The following HTRA3 variants were observed in gnomAD, a reference collection of about 807,000 sequenced individuals.
HTRA3 encodes the protein serine protease HTRA3.
HTRA3 carries 41 observed loss-of-function variants against 43.2 expected under a neutral mutation model. That is an observed-to-expected ratio of 0.95 (90% CI 0.74 to 1.23). The LOEUF is 1.23. Among genes scored for constraint, HTRA3 ranks in the 50% most tolerant of loss-of-function variants. HTRA3 has a pLI of 0.00. For synonymous variants in HTRA3, 295 were observed against 287.9 expected (o/e 1.02, Z -0.25); for missense variants, 628 against 647.1 (o/e 0.97, Z 0.32).
In HTRA3 at chr4:8,291,353, C is replaced by G. The variant is rs1713230790; in HGVS notation, c.709-17C>G. 2 of 1,610,058 alleles carry G rather than the reference C, an allele frequency of 1.2e-6. No individual in the cohort carries two copies. Among genetic ancestry groups the G allele is most frequent in the Non-Finnish European group, 1.7e-6 (2 of 1,177,240 alleles). ...GGCTAAGCCTCCCTCTCTGTGTCTT[C>G]TCCTTCTCTCTCCTAGAAAAAGCTC... On this transcript the variant is annotated splice_polypyrimidine_tract_variant and intron_variant, in intron 3 of 8. Coordinates refer to ENST00000307358, the MANE Select transcript of HTRA3 (RefSeq NM_053044.5).
In HTRA3 at chr4:8,285,767, A is replaced by G. The variant is rs188721955; in HGVS notation, c.486-794A>G. ...AACCCAGGCCAGCTCCACACCGTTC[A>G]CAGAGGGCAGGGCCCAGGCTGGCCT... On this transcript the variant is annotated intron_variant, in intron 2 of 8. Transcript: ENST00000307358. Among the ~76,000 whole-genome samples, 22 of 152,308 alleles carry G rather than the reference A, an allele frequency of 1.4e-4. No homozygotes were observed. In the East Asian group the frequency reaches 3.9e-3, roughly 27 times the overall value.
intron 1 of HTRA3, among the ~76,000 whole-genome samples, chr4:8,275,414 C>T (rs964182351): frequency 6.6e-6 from 1 of 152,136 alleles, no homozygotes; most frequent in East Asian, 1.9e-4. Flanking sequence ...TTGGTGACCC[C>T]AACCACTGCC....
intron 8 of HTRA3, 138 bp downstream of exon 8, chr4:8,304,417 G>T: frequency 1.5e-6 from 1 of 656,750 alleles, no homozygotes; most frequent in Non-Finnish European, 2.7e-6. Context: ...TAGCGTGTCT[G>T]CTAAGCCAGA....
At position 8,306,247 on chromosome 4, in the gene HTRA3, C is replaced by T; in HGVS notation, c.*111C>T. 8.4e-7 allele frequency: 1 copy of T among 1,187,458 alleles called. No individual in the cohort carries two copies. The highest frequency in any genetic ancestry group is 1.6e-5 in the African/African-American group (1 of 64,456). The allele number at this position is 1,187,458 out of a possible 1,614,324, so 73.6% of individuals were successfully genotyped here. ...TCGGTCCTCAGCAGGGCGGCAGCCTCCTCCTGGCTGTCCGGGGCAGAGCGG... is the reference window on the plus strand; with the variant it reads ...TCGGTCCTCAGCAGGGCGGCAGCCTTCTCCTGGCTGTCCGGGGCAGAGCGG... On this transcript the variant is annotated 3_prime_UTR_variant, in exon 9 of 9. Coordinates refer to ENST00000307358, the MANE Select transcript of HTRA3 (RefSeq NM_053044.5). The surrounding 1 kb of genome is among the most constrained non-coding windows in gnomAD (Gnocchi z 8.9).
At chr4:8,300,910 TC>T (rs1218421742) in intron 6 of HTRA3, among the ~76,000 whole-genome samples, 3 of 152,012 alleles carry the variant, frequency 2.0e-5, no homozygotes, top group African/African-American at 7.3e-5. Flanking sequence ...ATTCACACTC[TC>T]AGCTTTATTA....
chr4:8,302,361 C>T (rs911892273), intron 6 of HTRA3, 102 bp from the exon 7 acceptor site: 4 of 1,071,006 alleles, frequency 3.7e-6, no homozygotes, highest in Non-Finnish European at 4.4e-6. Context: ...CCTGCTGCTT[C>T]CTGGTCCTGC....
At position 8,286,867 on chromosome 4, in the gene HTRA3, C is replaced by G; in HGVS notation, c.708+84C>G. On this transcript the variant is annotated intron_variant, in intron 3 of 8. Transcript: ENST00000307358. The surrounding 1 kb of genome is among the most constrained non-coding windows in gnomAD (Gnocchi z 4.9). Reference sequence around the variant, plus strand: ...CCAGACGCCGGAACCCAGAGGCAAGCTAGCCCCACCTTCCATCAGCCAGGG... The same window carrying G: ...CCAGACGCCGGAACCCAGAGGCAAGGTAGCCCCACCTTCCATCAGCCAGGG... 1 of 1,001,338 alleles carries G rather than the reference C, an allele frequency of 1.0e-6. No homozygotes were observed. Among genetic ancestry groups the G allele is most frequent in the Non-Finnish European group, 1.5e-6 (1 of 667,566 alleles). 62.0% of individuals were successfully genotyped at this position (1,001,338 alleles called of 1,614,324 possible).
Position 8,295,892 on chromosome 4 carries a change from G to A in HTRA3, c.1051+1691G>A, listed in dbSNP as rs918911472. The stretch of plus-strand genomic sequence containing the variant: ...TGGGAAGACAATCTGGAGCCAGGCA[G>A]AGCCTGTCTTTCCCAAAGAAGCTGA... On this transcript the variant is annotated intron_variant, in intron 6 of 8. Transcript: ENST00000307358. The surrounding 1 kb of genome is among the most constrained non-coding windows in gnomAD (Gnocchi z 6.9). 8.1e-7 allele frequency: 1 copy of A among 1,234,782 alleles called. No homozygotes were observed. The highest frequency in any genetic ancestry group is 1.0e-6 in the Non-Finnish European group (1 of 988,718). The allele number at this position is 1,234,782 out of a possible 1,614,324, so 76.5% of individuals were successfully genotyped here. A position where few individuals can be genotyped will look rare whatever the true frequency, so the allele number is the denominator to read the frequency against.
chr4:8,302,408 G>A (rs563438898), intron 6 of HTRA3, 55 bp from the exon 7 acceptor site: 4 of 1,530,512 alleles, frequency 2.6e-6, no homozygotes, highest in South Asian at 2.2e-5. Context: ...CCCTGAGGGA[G>A]CGTGGTGGCT....
rs1056559140 is a variant in HTRA3, at chr4:8,286,848, G to A, written c.708+65G>A. On this transcript the variant is annotated intron_variant, in intron 3 of 8. Coordinates refer to ENST00000307358, the MANE Select transcript of HTRA3 (RefSeq NM_053044.5). The surrounding 1 kb of genome is among the most constrained non-coding windows in gnomAD (Gnocchi z 4.9). ...TGGGCATGGTGGCCTCTTCCCAGAC[G>A]CCGGAACCCAGAGGCAAGCTAGCCC... The A allele has an allele frequency of 3.1e-6, 4 of 1,297,260 alleles. No homozygotes were observed. Among genetic ancestry groups the A allele is most frequent in the South Asian group, 1.3e-5 (1 of 74,754 alleles). The allele number at this position is 1,297,260 out of a possible 1,614,324, so 80.4% of individuals were successfully genotyped here. A position where few individuals can be genotyped will look rare whatever the true frequency, so the allele number is the denominator to read the frequency against.
At chr4:8,287,280 C>A (rs555276951) in intron 3 of HTRA3, among the ~76,000 whole-genome samples, 1 of 152,166 alleles carries the variant, frequency 6.6e-6, no homozygotes, top group Non-Finnish European at 1.5e-5. Context: ...CTTCCTCCAC[C>A]GGCTGTTTCT....
At chr4:8,273,215 C>G (rs897496572) in intron 1 of HTRA3, among the ~76,000 whole-genome samples, 1 of 152,206 alleles carries the variant, frequency 6.6e-6, no homozygotes, top group African/African-American at 2.4e-5. Flanking sequence ...GGTGGCAGGG[C>G]CCCTGAGGCT....
Position 8,271,188 on chromosome 4 carries a change from A to C in HTRA3, c.385+835A>C, listed in dbSNP as rs551901877. Among the ~76,000 whole-genome samples, 146 of 151,644 alleles carry C rather than the reference A, an allele frequency of 9.6e-4. 1 individual carries two copies. The highest frequency in any genetic ancestry group is 3.5e-3 in the African/African-American group (144 of 41,130). ...CTCAGGAGCACCATGGGGAGCACCA[A>C]CTGCCGGGGCTCCTGGGAAGCCTGC... On this transcript the variant is annotated intron_variant, in intron 1 of 8. Coordinates refer to ENST00000307358, the MANE Select transcript of HTRA3 (RefSeq NM_053044.5).
At chr4:8,302,995 C>G (rs1461101966) in intron 7 of HTRA3, among the ~76,000 whole-genome samples, 1 of 152,226 alleles carries the variant, frequency 6.6e-6, no homozygotes, top group African/African-American at 2.4e-5. Flanking sequence ...GTGCACATCT[C>G]TCTCTCGTTT....
At chr4:8,304,058 G>T in intron 7 of HTRA3, 126 bp from the exon 8 acceptor site, 1 of 670,472 alleles carries the variant, frequency 1.5e-6, no homozygotes, top group South Asian at 1.8e-5. Context: ...TGGTGGGACA[G>T]GGCAGTATGG....
intron 1 of HTRA3, among the ~76,000 whole-genome samples, chr4:8,271,702 C>T (rs1009879749): frequency 6.6e-6 from 1 of 152,022 alleles, no homozygotes; most frequent in Admixed American, 6.5e-5. Context: ...GAAGCTGCGT[C>T]TTCACACGGC....
chr4:8,294,010 C>A, intron 5 of HTRA3, 77 bp from the exon 6 acceptor site: 1 of 925,262 alleles, frequency 1.1e-6, no homozygotes, highest in Non-Finnish European at 1.7e-6. Context: ...AGAAACAGAG[C>A]TGTGGACACA....
intron 6 of HTRA3, among the ~76,000 whole-genome samples, chr4:8,300,627 ATCTTG>A (rs1159313332): frequency 6.6e-6 from 1 of 152,194 alleles, no homozygotes; most frequent in Non-Finnish European, 1.5e-5. Flanking sequence ...GTCATGATCG[ATCTTG>A]CTAAAGATTT....
chr4:8,305,331 A>G (rs141985756), intron 8 of HTRA3, among the ~76,000 whole-genome samples: 2 of 152,266 alleles, frequency 1.3e-5, no homozygotes, highest in East Asian at 3.9e-4. Flanking sequence ...ATTGGGTGAA[A>G]TTTTCCACAC....
Sources: gnomAD v4.1 joint callset for allele counts (sites outside exome capture counted in the v4.1 genomes callset) on GRCh38, gnomAD v4.1.1 for gene constraint, Gnocchi (gnomAD v3.1) non-coding constraint, MANE v1.5 for transcripts, NCBI Gene and HGNC (gene_info 2026-07-23, HGNC 2026-07-21) for gene names.